CRYBG1: variants seen among roughly 807,000 people sequenced by gnomAD.
The protein encoded by CRYBG1 is crystallin beta-gamma domain containing 1.
In CRYBG1, 139 loss-of-function variants were observed where a neutral mutation model predicts 189.2. The observed-to-expected ratio is 0.73, with a 90% CI of 0.64 to 0.85. The LOEUF is 0.85. Ranked by LOEUF, CRYBG1 falls within the 40% of genes least tolerant of loss-of-function variation. The pLI is 0.00. For missense variants in CRYBG1, 2,611 were observed against 2,675.8 expected, an observed-to-expected ratio of 0.98 and a Z score of 0.53; for synonymous variants, 1,023 against 1,017.1, an observed-to-expected ratio of 1.01 and a Z score of -0.11.
chr6:106,499,828 C>T (rs960680807), intron 2 of CRYBG1, among the ~76,000 whole-genome samples: 1 of 152,166 alleles, frequency 6.6e-6, no homozygotes, highest in Non-Finnish European at 1.5e-5. Flanking sequence ...CAAACTTCCC[C>T]CAACTCACAG....
intron 2 of CRYBG1, among the ~76,000 whole-genome samples, chr6:106,460,153 AT>A (rs34524124): frequency 0.7 from 104,104 of 149,476 alleles, 36,370 homozygotes; most frequent in East Asian, 0.81. Context: ...CGCCCGGCTA[AT>A]TTTTTTTTTT....
At chr6:106,549,945 C>G (rs1326923404) in intron 13 of CRYBG1, among the ~76,000 whole-genome samples, 2 of 152,222 alleles carry the variant, frequency 1.3e-5, no homozygotes, top group Non-Finnish European at 2.9e-5. Flanking sequence ...TGAAAGGGAA[C>G]TTTCCAGGGC....
chr6:106,441,284 A>G (rs1771561791), intron 1 of CRYBG1, among the ~76,000 whole-genome samples: 1 of 152,170 alleles, frequency 6.6e-6, no homozygotes, highest in African/African-American at 2.4e-5. Flanking sequence ...GGGAATTTGA[A>G]GCTGACATTT....
intron 2 of CRYBG1, among the ~76,000 whole-genome samples, chr6:106,473,134 G>A (rs181722820): frequency 6.6e-6 from 1 of 152,286 alleles, no homozygotes; most frequent in East Asian, 1.9e-4. Context: ...AATGGGCTTG[G>A]AGTGAGGCCA....
chr6:106,556,158 T>C (rs571664257), intron 17 of CRYBG1, among the ~76,000 whole-genome samples: 1 of 152,284 alleles, frequency 6.6e-6, no homozygotes, highest in East Asian at 1.9e-4. Context: ...ATATTAGGAG[T>C]AGAATTACTG....
At chr6:106,506,269 C>T (rs783412) in intron 2 of CRYBG1, among the ~76,000 whole-genome samples, 114,702 of 151,954 alleles carry the variant, frequency 0.75, 43,694 homozygotes, top group Non-Finnish European at 0.81. Context: ...ACTTTATGTC[C>T]ACCTCTAGCT....
chr6:106,370,977 T>A (rs538804560), intron 1 of CRYBG1, among the ~76,000 whole-genome samples: 1 of 152,324 alleles, frequency 6.6e-6, no homozygotes, highest in South Asian at 2.1e-4. Context: ...GGGTTTCTAC[T>A]ATAATTAGTA....
intron 17 of CRYBG1, among the ~76,000 whole-genome samples, chr6:106,556,951 A>C (rs1316588961): frequency 5.9e-5 from 9 of 152,168 alleles, no homozygotes; most frequent in Non-Finnish European, 7.3e-5. Flanking sequence ...TATATTTGAA[A>C]ATTTCAATGC....
intron 1 of CRYBG1, among the ~76,000 whole-genome samples, chr6:106,412,422 C>T (rs1044704740): frequency 6.6e-6 from 1 of 152,176 alleles, no homozygotes; most frequent in East Asian, 1.9e-4. Flanking sequence ...ATTTGGAGAG[C>T]AGAGAGACTT....
chr6:106,442,339 C>T (rs1289531060), intron 1 of CRYBG1, among the ~76,000 whole-genome samples: 1 of 152,004 alleles, frequency 6.6e-6, no homozygotes, highest in Non-Finnish European at 1.5e-5. Flanking sequence ...AGTTTCGTGC[C>T]AGGTTGTTTA....
At chr6:106,409,280 A>C (rs758904300) in intron 1 of CRYBG1, among the ~76,000 whole-genome samples, 39 of 152,344 alleles carry the variant, frequency 2.6e-4, no homozygotes, top group Admixed American at 1.5e-3. Flanking sequence ...CAATTGCTAC[A>C]AAGAGAATAA....
intron 2 of CRYBG1, among the ~76,000 whole-genome samples, chr6:106,474,867 A>C (rs967224326): frequency 2.2e-4 from 33 of 152,238 alleles, no homozygotes; most frequent in African/African-American, 7.7e-4. Context: ...GAGTTTGTTA[A>C]CTTGATTTGA....
At position 106,530,159 on chromosome 6, in the gene CRYBG1, C is replaced by T; in HGVS notation, c.4579-17C>T. ...CATGGTGCAATTCTTACTATCTATG[C>T]ATCTATATTTTTTCAGGATTACAGA... is the stretch of plus-strand genomic sequence containing the variant. On this transcript the variant is annotated splice_polypyrimidine_tract_variant and intron_variant, in intron 7 of 21. Transcript: ENST00000633556. The T allele has an allele frequency of 6.3e-7, 1 of 1,599,178 alleles. No homozygotes were observed. Among genetic ancestry groups the T allele is most frequent in the Non-Finnish European group, 8.5e-7 (1 of 1,170,670 alleles).
chr6:106,481,481 A>C (rs1407083418), intron 2 of CRYBG1, among the ~76,000 whole-genome samples: 1 of 151,906 alleles, frequency 6.6e-6, no homozygotes, highest in African/African-American at 2.4e-5. Flanking sequence ...TCCTTTCCCT[A>C]ATCTCATCTG....
intron 2 of CRYBG1, among the ~76,000 whole-genome samples, chr6:106,475,189 G>A (rs75732053): frequency 0.041 from 6,180 of 152,182 alleles, 176 homozygotes; most frequent in Middle Eastern, 0.092. Flanking sequence ...AGGAGAATAT[G>A]GGGGAGGAGA....
At chr6:106,548,947 T>C (rs997944254) in intron 13 of CRYBG1, among the ~76,000 whole-genome samples, 1 of 133,708 alleles carries the variant, frequency 7.5e-6, no homozygotes, top group Non-Finnish European at 1.5e-5. Flanking sequence ...CCTGTGTCCA[T>C]GTGTTCTCAT....
In CRYBG1 at chr6:106,519,409, T is replaced by C; in HGVS notation, c.2201T>C (p.Met734Thr). ...KEMEQPEKKV[M>T]PNSPQNGVLV... ...ATGGAGCAACCTGAAAAGAAAGTAA[T>C]GCCAAACAGTCCCCAGAATGGTGTG... Residue 734 changes from methionine (M) to threonine (T), a missense_variant, in exon 4 of 22, where the codon ATG (methionine) becomes ACG (threonine). This residue lies in a region of CRYBG1 where 1,622 missense variants were observed against 1,735.0 expected (regional missense o/e 0.93). Transcript: ENST00000633556. The C allele has an allele frequency of 6.2e-7, 1 of 1,614,044 alleles. No homozygotes were observed. The highest frequency in any genetic ancestry group is 8.5e-7 in the Non-Finnish European group (1 of 1,180,010).
chr6:106,513,683 G>A (rs2114527666), intron 3 of CRYBG1, among the ~76,000 whole-genome samples: 1 of 152,304 alleles, frequency 6.6e-6, no homozygotes, highest in East Asian at 1.9e-4. Flanking sequence ...GTTCTTACTG[G>A]AAGATTATTT....
rs944352355 is a variant in CRYBG1 at position 106,475,761 on chromosome 6, C to G, written c.312+23929C>G. 3.6e-4 allele frequency among the ~76,000 whole-genome samples: 55 copies of G among 152,152 alleles called. 1 individual carries two copies. Among genetic ancestry groups the G allele is most frequent in the Non-Finnish European group, 8.8e-5 (6 of 68,026 alleles). On this transcript the variant is annotated intron_variant, in intron 2 of 21. Coordinates refer to ENST00000633556, the MANE Select transcript of CRYBG1 (RefSeq NM_001371242.2). ...AAATCTGTGATTTGGACAGAACAAA[C>G]AAATGGCTTTGTTTAGATGAACTGG...
Sources: gnomAD v4.1 joint callset for allele counts (sites outside exome capture counted in the v4.1 genomes callset) on GRCh38, gnomAD v4.1.1 for gene constraint, gnomAD v4.1.1 regional missense constraint, MANE v1.5 for transcripts, NCBI Gene and HGNC (gene_info 2026-07-23, HGNC 2026-07-21) for gene names.